The following SLC22A4 variants were observed in gnomAD, a reference collection of about 807,000 sequenced individuals.
SLC22A4 encodes ET transporter.
SLC22A4 carries 39 observed loss-of-function variants against 56.6 expected under a neutral mutation model. The ratio of observed to expected loss-of-function variants is 0.69; its 90% CI spans 0.53 to 0.90. The LOEUF is 0.90. Among genes scored for constraint, SLC22A4 ranks in the 40% least tolerant of loss-of-function variants. The probability of loss-of-function intolerance (pLI) is 0.00; values close to 1 mark genes in which losing one functional copy is unlikely to be tolerated. For synonymous variants in SLC22A4, 241 were observed against 281.4 expected, an observed-to-expected ratio of 0.86 and a Z score of 1.44; for missense variants, 594 against 696.5, an observed-to-expected ratio of 0.85 and a Z score of 1.66.
chr5:132,320,296 C>T (rs1196758565), intron 3 of SLC22A4, among the ~76,000 whole-genome samples: 3 of 152,226 alleles, frequency 2.0e-5, no homozygotes, highest in Admixed American at 2.0e-4. Context: ...ACAAGATTCT[C>T]ACTTGATCCT....
Position 132,335,934 on chromosome 5 carries a change from G to A in SLC22A4, c.1378G>A (p.Ala460Thr). 1 of 1,614,182 alleles carries A rather than the reference G, an allele frequency of 6.2e-7. No homozygotes were observed. The highest frequency in any genetic ancestry group is 8.5e-7 in the Non-Finnish European group (1 of 1,180,034). ...ELYPTLVRNM[A>T]VGVTSTASRV... Reference sequence around the variant, plus strand: ...CTACCCAACCCTGGTCAGGAACATGGCGGTGGGGGTCACATCCACGGCCTC... The same window carrying A: ...CTACCCAACCCTGGTCAGGAACATGACGGTGGGGGTCACATCCACGGCCTC... The change falls in exon 8 of 10, where the codon GCG (alanine) becomes ACG (threonine). Residue 460 changes from alanine to threonine, a missense_variant. By Grantham distance (58) the Ala-to-Thr change is moderately conservative. Transcript: ENST00000200652.
chr5:132,327,469 TAATTC>T, intron 5 of SLC22A4, 66 bp downstream of exon 5: 1 of 1,413,506 alleles, frequency 7.1e-7, no homozygotes, highest in African/African-American at 1.4e-5. Context: ...GAATTTAACT[TAATTC>T]AATATTTGTT....
chr5:132,319,922 A>C (rs1179910244), intron 3 of SLC22A4, among the ~76,000 whole-genome samples: 1 of 152,174 alleles, frequency 6.6e-6, no homozygotes, highest in Non-Finnish European at 1.5e-5. Context: ...ACTGGTGTGA[A>C]GGGTCAAAGA....
At chr5:132,318,770 C>G (rs1340853786) in intron 3 of SLC22A4, among the ~76,000 whole-genome samples, 1 of 152,120 alleles carries the variant, frequency 6.6e-6, no homozygotes, top group Non-Finnish European at 1.5e-5. Context: ...AAGTTTCACT[C>G]CCAGGAGAAA....
intron 1 of SLC22A4, among the ~76,000 whole-genome samples, chr5:132,305,993 A>T (rs57211108): frequency 0.013 from 1,952 of 152,298 alleles, 51 homozygotes; most frequent in African/African-American, 0.045. Flanking sequence ...GATGTTCAAC[A>T]TTAGTTATTA....
At chr5:132,340,874 G>A (rs1751197311) in intron 9 of SLC22A4, among the ~76,000 whole-genome samples, 174 bp downstream of exon 9, 1 of 152,224 alleles carries the variant, frequency 6.6e-6, no homozygotes, top group African/African-American at 2.4e-5. Flanking sequence ...CCAGCACTTT[G>A]GGAGGCTGAG....
intron 8 of SLC22A4, among the ~76,000 whole-genome samples, chr5:132,339,566 A>G (rs1161062016): frequency 6.6e-6 from 1 of 152,196 alleles, no homozygotes; most frequent in Non-Finnish European, 1.5e-5. Context: ...AAAGAGAAAC[A>G]TTTTCCTAAC....
intron 1 of SLC22A4, among the ~76,000 whole-genome samples, chr5:132,303,094 ACT>A (rs1326146921): frequency 6.6e-6 from 1 of 152,272 alleles, no homozygotes; most frequent in Non-Finnish European, 1.5e-5. Context: ...TATAAAAATA[ACT>A]CTGATAACTC....
At chr5:132,343,737 C>T (rs1285500566) in intron 9 of SLC22A4, 23 bp from the exon 10 acceptor site, 3 of 1,467,420 alleles carry the variant, frequency 2.0e-6, no homozygotes, top group Non-Finnish European at 2.9e-6. Flanking sequence ...TTTAATTTTC[C>T]TTAGCATCTA....
intron 1 of SLC22A4, among the ~76,000 whole-genome samples, chr5:132,306,882 T>A (rs1048293172): frequency 2.0e-5 from 3 of 152,202 alleles, no homozygotes; most frequent in African/African-American, 7.2e-5. Flanking sequence ...ATTCCATTTA[T>A]ATGAAATGTC....
chr5:132,301,370 A>C (rs1220704346), intron 1 of SLC22A4, among the ~76,000 whole-genome samples: 2 of 152,204 alleles, frequency 1.3e-5, no homozygotes, highest in African/African-American at 4.8e-5. Flanking sequence ...CCAGTGATCT[A>C]AGACAGGGCT....
intron 8 of SLC22A4, among the ~76,000 whole-genome samples, chr5:132,336,675 T>C (rs1489072243): frequency 6.6e-6 from 1 of 152,364 alleles, no homozygotes; most frequent in South Asian, 2.1e-4. Flanking sequence ...AGGTACCTCC[T>C]TTTAAAAATG....
intron 1 of SLC22A4, among the ~76,000 whole-genome samples, chr5:132,303,297 C>T (rs553445934): frequency 4.0e-5 from 6 of 151,148 alleles, no homozygotes; most frequent in African/African-American, 1.2e-4. Flanking sequence ...GGTGAAAATA[C>T]ACACACACAC....
At chr5:132,334,260 C>A (rs1750951945) in intron 6 of SLC22A4, among the ~76,000 whole-genome samples, 1 of 152,214 alleles carries the variant, frequency 6.6e-6, no homozygotes, top group African/African-American at 2.4e-5. Flanking sequence ...ACCCTTGTAT[C>A]TCTTTTTTGT....
chr5:132,342,231 C>T (rs1326762783), intron 9 of SLC22A4, among the ~76,000 whole-genome samples: 6 of 152,088 alleles, frequency 3.9e-5, no homozygotes, highest in African/African-American at 7.2e-5. Context: ...GGCTAATATA[C>T]TTAATATACA....
chr5:132,306,388 T>C (rs71591218), intron 1 of SLC22A4, among the ~76,000 whole-genome samples: 2 of 2,454 alleles, frequency 8.1e-4, no homozygotes, highest in Non-Finnish European at 1.8e-3. Flanking sequence ...CCGTGAAATA[T>C]ATATATATAT....
intron 5 of SLC22A4, among the ~76,000 whole-genome samples, chr5:132,329,750 C>T (rs970415712): frequency 6.6e-6 from 1 of 152,204 alleles, no homozygotes; most frequent in African/African-American, 2.4e-5. Flanking sequence ...GATCCAAAGA[C>T]ATTTTGGTGG....
chr5:132,294,603 C>G lies in SLC22A4; in HGVS notation c.-14C>G. ...TCACCCGTAGTTGCAAGTTTCGGAGCGGCAGTGGGAAGCATGCGGGACTAC... is the reference window on the plus strand; with the variant it reads ...TCACCCGTAGTTGCAAGTTTCGGAGGGGCAGTGGGAAGCATGCGGGACTAC... On this transcript the variant is annotated 5_prime_UTR_variant, in exon 1 of 10. Transcript: ENST00000200652. The surrounding 1 kb of genome is among the most constrained non-coding windows in gnomAD (Gnocchi z 5.6). The G allele has an allele frequency of 6.2e-7, 1 of 1,614,128 alleles. No homozygotes were observed. Among genetic ancestry groups the G allele is most frequent in the Non-Finnish European group, 8.5e-7 (1 of 1,180,020 alleles).
chr5:132,300,253 A>T (rs905796016), intron 1 of SLC22A4, among the ~76,000 whole-genome samples: 2 of 152,218 alleles, frequency 1.3e-5, no homozygotes. Flanking sequence ...TGGTGATGTT[A>T]ACCTTGATCA....
Sources: gnomAD v4.1 joint callset for allele counts (sites outside exome capture counted in the v4.1 genomes callset) on GRCh38, gnomAD v4.1.1 for gene constraint, Gnocchi (gnomAD v3.1) non-coding constraint, MANE v1.5 for transcripts, NCBI Gene and HGNC (gene_info 2026-07-23, HGNC 2026-07-21) for gene names.